ZFYVE28: variants seen among roughly 807,000 people sequenced by gnomAD.
ZFYVE28 encodes lateral signaling target protein 2 homolog.
Under a neutral mutation model 82.1 loss-of-function variants are expected in ZFYVE28, and 40 were observed. The ratio of observed to expected loss-of-function variants is 0.49; its 90% CI spans 0.38 to 0.63. The LOEUF (loss-of-function observed/expected upper bound fraction) is 0.63. Ranked by LOEUF, ZFYVE28 falls within the 30% of genes least tolerant of loss-of-function variation. The pLI is 0.00. For synonymous variants in ZFYVE28, 612 were observed against 546.1 expected, an observed-to-expected ratio of 1.12 and a Z score of -1.68; for missense variants, 1,321 against 1,242.1, an observed-to-expected ratio of 1.06 and a Z score of -0.96.
chr4:2,340,844 C>T (rs980710954), intron 3 of ZFYVE28, among the ~76,000 whole-genome samples: 8 of 152,088 alleles, frequency 5.3e-5, no homozygotes, highest in African/African-American at 9.7e-5. Flanking sequence ...ATGAAGACTC[C>T]GCACCCCAGG....
chr4:2,398,235 C>T, intron 1 of ZFYVE28, among the ~76,000 whole-genome samples: 1 of 152,110 alleles, frequency 6.6e-6, no homozygotes, highest in African/African-American at 2.4e-5. Flanking sequence ...TGCCAGGGTG[C>T]AGGGCACCGA....
chr4:2,400,430 T>C (rs13138720), intron 1 of ZFYVE28, among the ~76,000 whole-genome samples: 127,770 of 151,714 alleles, frequency 0.84, 53,958 homozygotes, highest in Admixed American at 0.9. Context: ...CAGGCATCTG[T>C]CCCACCGCAA....
chr4:2,341,732 A>G lies in ZFYVE28; in HGVS notation c.181-117T>C. 1 of 1,434,214 alleles carries G rather than the reference A, an allele frequency of 7.0e-7. No individual in the cohort carries two copies. Among genetic ancestry groups the G allele is most frequent in the East Asian group, 2.4e-5 (1 of 42,372 alleles). The allele number at this position is 1,434,214 out of a possible 1,614,324, so 88.8% of individuals were successfully genotyped here. On this transcript the variant is annotated intron_variant, in intron 2 of 12. Transcript: ENST00000290974. This position sits in a 1 kb window ranked among gnomAD's most constrained non-coding sequence, Gnocchi z 4.5. ...TGTTTTTTAGGATTATTAAAGTGAT[A>G]GAGGAGGCTAGGCACGGTGGCTCAT...
chr4:2,344,437 C>A (rs1442787310), intron 2 of ZFYVE28, among the ~76,000 whole-genome samples: 1 of 152,204 alleles, frequency 6.6e-6, no homozygotes, highest in African/African-American at 2.4e-5. Flanking sequence ...TAACTCTAGA[C>A]TAAACACAGC....
intron 12 of ZFYVE28, 31 bp from the exon 13 acceptor site, chr4:2,270,887 C>A (rs368901586): frequency 1.2e-6 from 2 of 1,607,866 alleles, no homozygotes; most frequent in South Asian, 2.2e-5. Context: ...TGAGGGTCTG[C>A]GGCAGACCAG....
chr4:2,350,451 G>A (rs972572745), intron 2 of ZFYVE28, among the ~76,000 whole-genome samples: 5 of 151,450 alleles, frequency 3.3e-5, no homozygotes, highest in Admixed American at 6.6e-5. Flanking sequence ...GCGACAGAGC[G>A]AGACTCCGTC....
intron 1 of ZFYVE28, among the ~76,000 whole-genome samples, chr4:2,379,343 C>G (rs984446328): frequency 6.6e-6 from 1 of 152,326 alleles, no homozygotes; most frequent in East Asian, 1.9e-4. Context: ...CAAGGATTCT[C>G]GGCCCTCCCA....
chr4:2,337,578 T>A, intron 4 of ZFYVE28, 82 bp from the exon 5 acceptor site: 1 of 1,106,906 alleles, frequency 9.0e-7, no homozygotes, highest in Non-Finnish European at 1.3e-6. Flanking sequence ...CATCTTCAAT[T>A]AAAGCTGCAA....
At chr4:2,334,511 C>T (rs1721263461) in intron 6 of ZFYVE28, among the ~76,000 whole-genome samples, 1 of 151,950 alleles carries the variant, frequency 6.6e-6, no homozygotes. Flanking sequence ...CATGCTCAAC[C>T]CCAGTGCACT....
chr4:2,368,226 A>AAAAAAAAAAAAAAAAC (rs1553856593), intron 1 of ZFYVE28, among the ~76,000 whole-genome samples: 2 of 150,190 alleles, frequency 1.3e-5, no homozygotes, highest in African/African-American at 4.9e-5. Context: ...AAAAAAAAAA[A>AAAAAAAAAAAAAAAAC]AAAACACTGT....
intron 7 of ZFYVE28, among the ~76,000 whole-genome samples, chr4:2,313,622 T>A (rs1717798364): frequency 6.6e-6 from 1 of 152,018 alleles, no homozygotes; most frequent in Non-Finnish European, 1.5e-5. Flanking sequence ...TCCCAGCACT[T>A]CGGGAGGCCG....
intron 7 of ZFYVE28, among the ~76,000 whole-genome samples, chr4:2,314,480 T>C (rs751346947): frequency 1.3e-5 from 2 of 152,248 alleles, no homozygotes; most frequent in Non-Finnish European, 2.9e-5. Context: ...TCTCTTTCTC[T>C]GCTCTTACCT....
rs139792819 is a variant in ZFYVE28, at chr4:2,320,170, C to T, written c.803G>A (p.Arg268Lys). The T allele has an allele frequency of 6.2e-7, 1 of 1,613,896 alleles. No individual in the cohort carries two copies. Among genetic ancestry groups the T allele is most frequent in the Non-Finnish European group, 8.5e-7 (1 of 1,179,878 alleles). The change falls in exon 7 of 13, where the codon AGG (arginine) becomes AAG (lysine). Residue 268 changes from arginine to lysine, a missense_variant and splice_region_variant. Coordinates refer to ENST00000290974, the MANE Select transcript of ZFYVE28 (RefSeq NM_020972.3). The surrounding 1 kb of genome is among the most constrained non-coding windows in gnomAD (Gnocchi z 5.1). ...RPFHTLLRKI[R>K]DLLQTLTEEE... ...CCACCTCCTCTAGCTCCATCCCCAC[C>T]TTATTTTCCGCAGCAACGTGTGGAA... is the stretch of plus-strand genomic sequence containing the variant.
At chr4:2,354,172 G>A (rs1724899949) in intron 1 of ZFYVE28, 99 bp from the exon 2 acceptor site, 3 of 1,306,414 alleles carry the variant, frequency 2.3e-6, no homozygotes, top group Non-Finnish European at 1.0e-6. Context: ...GCTCAGCCTG[G>A]GACCTTCCAC....
At chr4:2,399,283 C>T (rs1730912997) in intron 1 of ZFYVE28, among the ~76,000 whole-genome samples, 1 of 152,082 alleles carries the variant, frequency 6.6e-6, no homozygotes, top group Admixed American at 6.5e-5. Context: ...GTGTGGCTAA[C>T]TACAAAGCTG....
intron 6 of ZFYVE28, among the ~76,000 whole-genome samples, chr4:2,326,273 T>A (rs1038452776): frequency 6.6e-6 from 1 of 152,220 alleles, no homozygotes; most frequent in Non-Finnish European, 1.5e-5. Flanking sequence ...CTTTGACATG[T>A]GAAAATTCAG....
At chr4:2,384,636 G>A (rs550051054) in intron 1 of ZFYVE28, among the ~76,000 whole-genome samples, 11 of 152,282 alleles carry the variant, frequency 7.2e-5, no homozygotes, top group African/African-American at 1.2e-4. Context: ...CTCAGGGCCC[G>A]GTGGGAAGGT....
chr4:2,377,748 G>T (rs1033376411), intron 1 of ZFYVE28, among the ~76,000 whole-genome samples: 16 of 152,164 alleles, frequency 1.1e-4, no homozygotes, highest in Non-Finnish European at 2.2e-4. Flanking sequence ...TTGACATTCT[G>T]CAGCTTTACC....
At chr4:2,364,956 C>G (rs1204837341) in intron 1 of ZFYVE28, 3 of 968,300 alleles carry the variant, frequency 3.1e-6, no homozygotes, top group African/African-American at 1.8e-5. Context: ...GCAGCCTCAG[C>G]CACAGAGCCG....
Sources: allele counts gnomAD v4.1 joint callset (sites outside exome capture counted in the v4.1 genomes callset), GRCh38; gene constraint gnomAD v4.1.1; non-coding constraint Gnocchi (gnomAD v3.1); transcripts MANE v1.5; gene names NCBI Gene and HGNC (gene_info 2026-07-23, HGNC 2026-07-21).